FNDC1: variants seen among roughly 807,000 people sequenced by gnomAD.
FNDC1 encodes fibronectin type III domain containing 1.
In FNDC1, 96 loss-of-function variants were observed where a neutral mutation model predicts 168.0. That is an observed-to-expected ratio of 0.57 (90% CI 0.48 to 0.68). The LOEUF (loss-of-function observed/expected upper bound fraction) is 0.68. Ranked by LOEUF, FNDC1 falls within the 30% of genes least tolerant of loss-of-function variation. FNDC1 has a pLI of 0.00. For synonymous variants in FNDC1, 1,099 were observed against 1,025.9 expected (o/e 1.07, Z -1.36); for missense variants, 2,587 against 2,482.1 (o/e 1.04, Z -0.90).
chr6:159,249,510 C>T (rs1315871289), intron 16 of FNDC1, among the ~76,000 whole-genome samples: 1 of 152,220 alleles, frequency 6.6e-6, no homozygotes, highest in Non-Finnish European at 1.5e-5. Context: ...TTTTCTACGA[C>T]AAGACTTACC....
chr6:159,229,392 C>G (rs557625589), intron 9 of FNDC1, among the ~76,000 whole-genome samples: 94 of 152,298 alleles, frequency 6.2e-4, no homozygotes, highest in Non-Finnish European at 1.2e-3. Flanking sequence ...AAGTAAAACT[C>G]TTGAAGATGT....
chr6:159,223,995 G>T (rs756079970), intron 7 of FNDC1, among the ~76,000 whole-genome samples: 1 of 152,184 alleles, frequency 6.6e-6, no homozygotes, highest in Admixed American at 6.5e-5. Flanking sequence ...TTCATGCACA[G>T]GGTCCACTTT....
intron 22 of FNDC1, among the ~76,000 whole-genome samples, chr6:159,269,277 TATCTATCTATCTATCC>T (rs1222632018): frequency 1.6e-3 from 142 of 89,690 alleles, no homozygotes; most frequent in Admixed American, 2.9e-3. Context: ...TCTATCTATC[TATCTATCTATCTATCC>T]ATCCATCCAT....
In FNDC1 at chr6:159,261,204, T is replaced by G; in HGVS notation, c.5189T>G (p.Val1730Gly). Residue 1730 changes from valine (V) to glycine (G), a missense_variant, in exon 19 of 23, where the codon GTG (valine) becomes GGG (glycine). Transcript: ENST00000297267. ...TCCAACTTCAGGTATTATTTTAAAGTGCAAGCACAAAATCCTCATGGCTAC... is the reference window on the plus strand; with the variant it reads ...TCCAACTTCAGGTATTATTTTAAAGGGCAAGCACAAAATCCTCATGGCTAC... ...LKPNTRYYFK[V>G]QAQNPHGYGP... 6.2e-7 allele frequency: 1 copy of G among 1,612,258 alleles called. No individual in the cohort carries two copies. The highest frequency in any genetic ancestry group is 2.2e-5 in the East Asian group (1 of 44,870).
chr6:159,246,659 T>G (rs1448163563), intron 14 of FNDC1, among the ~76,000 whole-genome samples: 2 of 152,126 alleles, frequency 1.3e-5, no homozygotes, highest in East Asian at 3.9e-4. Context: ...GAGTGGGGTG[T>G]TTGCTCCTAA....
chr6:159,266,704 T>C (rs1438131588), intron 21 of FNDC1, among the ~76,000 whole-genome samples: 1 of 144,186 alleles, frequency 6.9e-6, no homozygotes, highest in Non-Finnish European at 1.5e-5. Context: ...TTTTTGCCAC[T>C]AATACAATAA....
chr6:159,201,013 A>G (rs1782367697), intron 4 of FNDC1, among the ~76,000 whole-genome samples: 1 of 152,170 alleles, frequency 6.6e-6, no homozygotes, highest in African/African-American at 2.4e-5. Flanking sequence ...ATATTTTGTG[A>G]TATGTTAGAC....
intron 4 of FNDC1, among the ~76,000 whole-genome samples, chr6:159,214,398 G>A (rs1782668994): frequency 6.6e-6 from 1 of 152,214 alleles, no homozygotes; most frequent in Admixed American, 6.5e-5. Context: ...TAGCAGCGAT[G>A]GTGTAGCATG....
chr6:159,248,988 A>G, intron 15 of FNDC1, 51 bp from the exon 16 acceptor site: 22 of 1,546,190 alleles, frequency 1.4e-5, no homozygotes, highest in Non-Finnish European at 1.9e-5. Flanking sequence ...GACTATAGAC[A>G]GTGCTCCTTT....
chr6:159,210,412 T>C (rs1420373224), intron 4 of FNDC1, among the ~76,000 whole-genome samples: 4 of 152,186 alleles, frequency 2.6e-5, no homozygotes, highest in Non-Finnish European at 5.9e-5. Flanking sequence ...TGGGCTGTGA[T>C]TGGGTGCCTT....
intron 5 of FNDC1, among the ~76,000 whole-genome samples, chr6:159,219,067 G>T (rs389440): frequency 1.3e-4 from 20 of 148,994 alleles, no homozygotes; most frequent in African/African-American, 5.0e-4. Flanking sequence ...TTGTGACAGG[G>T]TCTTGCTCTG....
chr6:159,185,341 T>C (rs1013889205), intron 1 of FNDC1, among the ~76,000 whole-genome samples: 1 of 152,134 alleles, frequency 6.6e-6, no homozygotes, highest in African/African-American at 2.4e-5. Context: ...GTAATGAAAA[T>C]TAAACCAAAG....
chr6:159,235,854 A>G (rs1783241827), intron 11 of FNDC1, among the ~76,000 whole-genome samples: 3 of 152,200 alleles, frequency 2.0e-5, no homozygotes, highest in African/African-American at 7.2e-5. Flanking sequence ...CATTTTAGAC[A>G]TAATTTTCTC....
chr6:159,185,437 A>G (rs751889362), intron 1 of FNDC1, among the ~76,000 whole-genome samples: 5 of 152,238 alleles, frequency 3.3e-5, no homozygotes, highest in Admixed American at 2.6e-4. Context: ...GCTGCAGACA[A>G]CATGATATCT....
Position 159,223,655 on chromosome 6 carries a change from C to G in FNDC1, c.884+10C>G, listed in dbSNP as rs775229315. ...AAGTTGTTGCATCAAGGTACTTTTG[C>G]TTATTTATTTGTCTTTATATATGAG... On this transcript the variant is annotated intron_variant, in intron 7 of 22. Transcript: ENST00000297267. 2 of 1,560,726 alleles carry G rather than the reference C, an allele frequency of 1.3e-6. No homozygotes were observed. Among genetic ancestry groups the G allele is most frequent in the Non-Finnish European group, 1.8e-6 (2 of 1,133,608 alleles).
intron 5 of FNDC1, among the ~76,000 whole-genome samples, chr6:159,217,892 G>A (rs1345304924): frequency 6.6e-6 from 1 of 152,204 alleles, no homozygotes; most frequent in African/African-American, 2.4e-5. Context: ...TTAGCAGCAA[G>A]ACCTTGAATT....
At chr6:159,237,523 G>A (rs1221691777) in intron 12 of FNDC1, among the ~76,000 whole-genome samples, 10 of 152,228 alleles carry the variant, frequency 6.6e-5, no homozygotes, top group African/African-American at 1.7e-4. Flanking sequence ...AGAATGTGAC[G>A]TTTTCTGCAT....
intron 14 of FNDC1, among the ~76,000 whole-genome samples, chr6:159,244,852 T>C (rs1267620235): frequency 6.6e-6 from 1 of 152,208 alleles, no homozygotes; most frequent in Non-Finnish European, 1.5e-5. Flanking sequence ...TCCCAGAGCC[T>C]TGGTGTCCTT....
At chr6:159,173,524 T>C (rs748164299) in intron 1 of FNDC1, among the ~76,000 whole-genome samples, 1 of 152,158 alleles carries the variant, frequency 6.6e-6, no homozygotes, top group African/African-American at 2.4e-5. Context: ...GAGGTTGTAA[T>C]AGGATTGCAG....
Sources: allele counts gnomAD v4.1 joint callset (sites outside exome capture counted in the v4.1 genomes callset), GRCh38; gene constraint gnomAD v4.1.1; transcripts MANE v1.5; gene names NCBI Gene and HGNC (gene_info 2026-07-23, HGNC 2026-07-21).